Variants in PTPRO observed in about 807,000 individuals in gnomAD.
PTPRO encodes the protein protein tyrosine phosphatase receptor type O, also known as receptor-type tyrosine-protein phosphatase O.
In PTPRO, 62 loss-of-function variants were observed where a neutral mutation model predicts 145.2. The observed-to-expected ratio is 0.43, with a 90% CI of 0.35 to 0.53. The LOEUF is 0.53. PTPRO is among the 20% of genes least tolerant of loss of function. The probability of loss-of-function intolerance (pLI) is 0.01; values close to 1 mark genes in which losing one functional copy is unlikely to be tolerated. For missense variants in PTPRO, 1,345 were observed against 1,482.7 expected (o/e 0.91, Z 1.53); for synonymous variants, 565 against 514.7 (o/e 1.10, Z -1.32).
At chr12:15,361,754 A>G (rs961547429) in intron 1 of PTPRO, among the ~76,000 whole-genome samples, 1 of 152,230 alleles carries the variant, frequency 6.6e-6, no homozygotes, top group South Asian at 2.1e-4. Context: ...GCAAAGTTTT[A>G]TTACAATGCA....
chr12:15,429,951 A>T (rs970762890), intron 1 of PTPRO, among the ~76,000 whole-genome samples: 2 of 152,160 alleles, frequency 1.3e-5, no homozygotes, highest in African/African-American at 4.8e-5. Context: ...GTACAAATGG[A>T]TGGGTGGTGG....
chr12:15,361,906 A>T (rs558410978), intron 1 of PTPRO, among the ~76,000 whole-genome samples: 2 of 152,294 alleles, frequency 1.3e-5, no homozygotes, highest in East Asian at 1.9e-4. Context: ...GAAATGGAGA[A>T]ATGTCTTATA....
intron 1 of PTPRO, among the ~76,000 whole-genome samples, chr12:15,333,222 A>G (rs547805104): frequency 6.6e-6 from 1 of 152,330 alleles, no homozygotes; most frequent in East Asian, 1.9e-4. Flanking sequence ...AAACATTTTT[A>G]TTCAGCACTT....
At chr12:15,349,613 A>G (rs1421854066) in intron 1 of PTPRO, among the ~76,000 whole-genome samples, 1 of 152,254 alleles carries the variant, frequency 6.6e-6, no homozygotes, top group East Asian at 1.9e-4. Flanking sequence ...TCTGCAAAGC[A>G]GATGCCATTC....
At chr12:15,401,455 C>T (rs1016273029) in intron 1 of PTPRO, among the ~76,000 whole-genome samples, 2 of 152,166 alleles carry the variant, frequency 1.3e-5, no homozygotes, top group Admixed American at 6.5e-5. Flanking sequence ...AAAAGCCCTA[C>T]CTCTTTGTCT....
intron 1 of PTPRO, among the ~76,000 whole-genome samples, chr12:15,430,201 T>A (rs1381034): frequency 1.3e-5 from 2 of 150,826 alleles, no homozygotes; most frequent in African/African-American, 4.9e-5. Context: ...CAGAGAGGAG[T>A]CCCTACAGAG....
intron 1 of PTPRO, among the ~76,000 whole-genome samples, chr12:15,449,039 G>A (rs912506455): frequency 6.6e-6 from 1 of 150,846 alleles, no homozygotes; most frequent in Non-Finnish European, 1.5e-5. Flanking sequence ...AGCAACAAAC[G>A]ATTCGCAAAT....
intron 19 of PTPRO, among the ~76,000 whole-genome samples, chr12:15,574,990 T>G (rs186603844): frequency 6.6e-6 from 1 of 152,322 alleles, no homozygotes; most frequent in East Asian, 1.9e-4. Flanking sequence ...GTTTAATCCC[T>G]AACCCCCAAT....
chr12:15,580,934 A>G, intron 22 of PTPRO, 103 bp downstream of exon 22: 1 of 1,458,682 alleles, frequency 6.9e-7, no homozygotes, highest in Non-Finnish European at 9.5e-7. Flanking sequence ...AAACATAGAG[A>G]CAAATCGCTA....
intron 3 of PTPRO, among the ~76,000 whole-genome samples, chr12:15,498,769 TTTG>T (rs57384215): frequency 1.3e-5 from 2 of 152,314 alleles, no homozygotes; most frequent in African/African-American, 4.8e-5. Flanking sequence ...TACTGAAACT[TTTG>T]TTAACAATCA....
intron 12 of PTPRO, chr12:15,546,248 T>C: frequency 1.1e-6 from 1 of 911,878 alleles, no homozygotes; most frequent in Non-Finnish European, 1.4e-6. Flanking sequence ...GGAAGTTCTG[T>C]ATTATCAGGG....
At chr12:15,436,467 AG>A (rs763296488) in intron 1 of PTPRO, among the ~76,000 whole-genome samples, 2 of 152,336 alleles carry the variant, frequency 1.3e-5, no homozygotes, top group Admixed American at 6.5e-5. Flanking sequence ...AGTTGATAAA[AG>A]TGAGTAGAGC....
intron 1 of PTPRO, among the ~76,000 whole-genome samples, chr12:15,396,181 G>A (rs1939333324): frequency 6.6e-6 from 1 of 152,156 alleles, no homozygotes; most frequent in African/African-American, 2.4e-5. Flanking sequence ...TGTGATGTGT[G>A]TTGTGAAGAT....
At chr12:15,424,429 G>T (rs1940228440) in intron 1 of PTPRO, among the ~76,000 whole-genome samples, 1 of 152,000 alleles carries the variant, frequency 6.6e-6, no homozygotes, top group Admixed American at 6.6e-5. Flanking sequence ...AAAACAGGAA[G>T]AATTTTTAAA....
chr12:15,465,288 G>A (rs577379619), intron 1 of PTPRO, among the ~76,000 whole-genome samples: 13 of 152,250 alleles, frequency 8.5e-5, no homozygotes, highest in Non-Finnish European at 1.8e-4. Context: ...CTCATGCATT[G>A]GAAAGTTAGA....
chr12:15,390,545 C>T (rs1318878), intron 1 of PTPRO, among the ~76,000 whole-genome samples: 5 of 151,688 alleles, frequency 3.3e-5, no homozygotes, highest in East Asian at 1.9e-4. Context: ...CCACAACACG[C>T]GGGAATTATG....
intron 1 of PTPRO, among the ~76,000 whole-genome samples, chr12:15,455,314 C>T (rs543515756): frequency 2.3e-4 from 35 of 151,742 alleles, no homozygotes; most frequent in African/African-American, 7.0e-4. Context: ...CCCCTTCCCC[C>T]CCACACACAC....
At chr12:15,355,155 T>G (rs931524961) in intron 1 of PTPRO, among the ~76,000 whole-genome samples, 1 of 151,178 alleles carries the variant, frequency 6.6e-6, no homozygotes, top group Non-Finnish European at 1.5e-5. Flanking sequence ...CATTTCCCTA[T>G]GTGTCTTTGC....
intron 24 of PTPRO, among the ~76,000 whole-genome samples, chr12:15,588,863 C>T (rs191066697): frequency 2.0e-5 from 3 of 152,296 alleles, no homozygotes; most frequent in Admixed American, 2.0e-4. Flanking sequence ...TCTGCAGAAG[C>T]AGAGACCCCG....
Sources: gnomAD v4.1 joint callset for allele counts (sites outside exome capture counted in the v4.1 genomes callset) on GRCh38, gnomAD v4.1.1 for gene constraint, MANE v1.5 for transcripts, NCBI Gene and HGNC (gene_info 2026-07-23, HGNC 2026-07-21) for gene names.